The following NXPH1 variants were observed in gnomAD, a reference collection of about 807,000 sequenced individuals.
NXPH1 encodes the protein neurexophilin-1.
NXPH1 carries 5 observed loss-of-function variants against 23.7 expected under a neutral mutation model. That is an observed-to-expected ratio of 0.21 (90% confidence interval 0.11 to 0.44). The LOEUF (loss-of-function observed/expected upper bound fraction) is 0.44, where lower values mean the gene tolerates loss of function less well. Among genes scored for constraint, NXPH1 ranks in the 20% least tolerant of loss-of-function variants. The probability of loss-of-function intolerance (pLI) is 0.99; values close to 1 mark genes in which losing one functional copy is unlikely to be tolerated. For missense variants in NXPH1, 324 were observed against 321.6 expected, an observed-to-expected ratio of 1.01 and a Z score of -0.06; for synonymous variants, 144 against 122.2, an observed-to-expected ratio of 1.18 and a Z score of -1.18.
At chr7:8,643,513 TGTTAATATGACAATTTGAC>T (rs1473723430) in intron 2 of NXPH1, among the ~76,000 whole-genome samples, 28 of 152,296 alleles carry the variant, frequency 1.8e-4, no homozygotes, top group African/African-American at 6.3e-4. Flanking sequence ...GCTAATCTTT[TGTTAATATGACAATTTGAC>T]TGATTTATTT....
chr7:8,633,863 A>G (rs1820173492), intron 2 of NXPH1, among the ~76,000 whole-genome samples: 1 of 152,064 alleles, frequency 6.6e-6, no homozygotes, highest in Non-Finnish European at 1.5e-5. Flanking sequence ...AAAGTTAAAT[A>G]TTTTTCAATT....
intron 2 of NXPH1, among the ~76,000 whole-genome samples, chr7:8,728,243 G>C (rs879888851): frequency 1.3e-5 from 2 of 152,186 alleles, no homozygotes; most frequent in Non-Finnish European, 2.9e-5. Flanking sequence ...TTTGGGCTGA[G>C]ACAATGGGGT....
At position 8,646,847 on chromosome 7, in the gene NXPH1, G is replaced by A. The variant is rs887455013; in HGVS notation, c.55-104161G>A. 3.7e-5 allele frequency among the ~76,000 whole-genome samples: 5 copies of A among 136,038 alleles called. No homozygotes were observed. The East Asian group carries it at 1.2e-3, about 33-fold the overall frequency. The allele number at this position is 136,038 out of a possible 152,430, so 89.2% of individuals were successfully genotyped here. A position where few individuals can be genotyped will look rare whatever the true frequency, so the allele number is the denominator to read the frequency against. On this transcript the variant is annotated intron_variant, in intron 2 of 2. Coordinates refer to ENST00000405863, the MANE Select transcript of NXPH1 (RefSeq NM_152745.3). ...TTACTTAATCAGAGAGCCTCTGAAGGCATCAGGTTTCTGTCATTTTTTTTT... is the reference window on the plus strand; with the variant it reads ...TTACTTAATCAGAGAGCCTCTGAAGACATCAGGTTTCTGTCATTTTTTTTT...
chr7:8,590,991 C>G lies in NXPH1; in HGVS notation c.54+155224C>G, dbSNP rs73678066. Reference sequence around the variant, plus strand: ...TTGCTTCTGTGTACACAATAGCATGCCAGAAGCTGGAAAGTGCTCATGCAG... The same window carrying G: ...TTGCTTCTGTGTACACAATAGCATGGCAGAAGCTGGAAAGTGCTCATGCAG... On this transcript the variant is annotated intron_variant, in intron 2 of 2. Coordinates refer to ENST00000405863, the MANE Select transcript of NXPH1 (RefSeq NM_152745.3). 0.012 allele frequency among the ~76,000 whole-genome samples: 1,851 copies of G among 152,096 alleles called. 83 individuals carry two copies. In the East Asian group the frequency reaches 0.14, roughly 11 times the overall value.
rs1163500109 is a variant in NXPH1, at chr7:8,571,036, CTAATCTAA to C, written c.54+135271_54+135278del. 3.7e-5 allele frequency among the ~76,000 whole-genome samples: 5 copies of C among 135,302 alleles called. No homozygotes were observed. In the East Asian group the frequency reaches 1.1e-3, roughly 29 times the overall value. 88.8% of individuals were successfully genotyped at this position (135,302 alleles called of 152,430 possible). The stretch of plus-strand genomic sequence containing the variant: ...GTCTGTCTATCTAATCTAATCTAAT[CTAATCTAA>C]TCTAATCTAATCTAATCTAATCTAA... On this transcript the variant is annotated intron_variant, in intron 2 of 2. Transcript: ENST00000405863.
intron 2 of NXPH1, among the ~76,000 whole-genome samples, chr7:8,496,685 C>A (rs1472932118): frequency 1.3e-5 from 2 of 152,030 alleles, no homozygotes; most frequent in Admixed American, 6.6e-5. Context: ...AGAGGGAGCT[C>A]AGCAATTGCA....
intron 2 of NXPH1, among the ~76,000 whole-genome samples, chr7:8,461,588 T>C (rs569478280): frequency 6.6e-6 from 1 of 150,592 alleles, no homozygotes; most frequent in African/African-American, 2.4e-5. Flanking sequence ...CCCAGCACTT[T>C]GGGAGGCCGA....
At chr7:8,750,503 G>T (rs552229953) in intron 2 of NXPH1, among the ~76,000 whole-genome samples, 24 of 152,046 alleles carry the variant, frequency 1.6e-4, no homozygotes, top group African/African-American at 5.3e-4. Context: ...TGTGTCCAGA[G>T]AATCATACAG....
rs184180691 is a variant in NXPH1 at position 8,685,463 on chromosome 7, A to C, written c.55-65545A>C. Among the ~76,000 whole-genome samples the C allele has an allele frequency of 2.0e-5, 3 of 150,268 alleles. No individual in the cohort carries two copies. The East Asian group carries it at 5.9e-4, about 30-fold the overall frequency. ...ATTTTTTTTTTTATGGCTGAATAGTACTCCCTTGTGTATATGTACCACCTT... is the reference window on the plus strand; with the variant it reads ...ATTTTTTTTTTTATGGCTGAATAGTCCTCCCTTGTGTATATGTACCACCTT... On this transcript the variant is annotated intron_variant, in intron 2 of 2. Coordinates refer to ENST00000405863, the MANE Select transcript of NXPH1 (RefSeq NM_152745.3).
At chr7:8,630,554 T>A (rs1820104982) in intron 2 of NXPH1, among the ~76,000 whole-genome samples, 1 of 152,140 alleles carries the variant, frequency 6.6e-6, no homozygotes, top group African/African-American at 2.4e-5. Context: ...TCTACAAGCA[T>A]ATACGTAATA....
chr7:8,583,781 C>G (rs1217608309), intron 2 of NXPH1, among the ~76,000 whole-genome samples: 1 of 152,124 alleles, frequency 6.6e-6, no homozygotes, highest in Non-Finnish European at 1.5e-5. Flanking sequence ...CAGGTAGTCC[C>G]CTCCCATTCC....
intron 2 of NXPH1, among the ~76,000 whole-genome samples, chr7:8,536,589 A>C (rs1043993071): frequency 1.4e-5 from 2 of 139,752 alleles, no homozygotes; most frequent in Non-Finnish European, 3.1e-5. Context: ...AAAGGAGGCT[A>C]TTGTGACCAT....
chr7:8,678,657 G>T (rs1008009195), intron 2 of NXPH1, among the ~76,000 whole-genome samples: 2 of 151,982 alleles, frequency 1.3e-5, no homozygotes, highest in African/African-American at 2.4e-5. Flanking sequence ...GGCTCCTACG[G>T]GTCCGCAGAG....
At chr7:8,459,802 T>C (rs1370636810) in intron 2 of NXPH1, among the ~76,000 whole-genome samples, 1 of 152,200 alleles carries the variant, frequency 6.6e-6, no homozygotes, top group Non-Finnish European at 1.5e-5. Flanking sequence ...GTAAAGAATA[T>C]GACAGAAAGC....
chr7:8,739,437 A>C (rs1227292843), intron 2 of NXPH1, among the ~76,000 whole-genome samples: 2 of 151,996 alleles, frequency 1.3e-5, no homozygotes, highest in Non-Finnish European at 2.9e-5. Context: ...GGGTGAGGCA[A>C]CACCCCACCC....
At chr7:8,671,561 T>G (rs935567849) in intron 2 of NXPH1, among the ~76,000 whole-genome samples, 5 of 152,212 alleles carry the variant, frequency 3.3e-5, no homozygotes, top group Admixed American at 6.5e-5. Context: ...TTTATATTTC[T>G]TGAATTGTCT....
At chr7:8,600,363 C>T (rs1380301292) in intron 2 of NXPH1, among the ~76,000 whole-genome samples, 1 of 152,214 alleles carries the variant, frequency 6.6e-6, no homozygotes, top group East Asian at 1.9e-4. Flanking sequence ...TTTGCCCATT[C>T]AGTGCCTGAC....
Position 8,658,429 on chromosome 7 carries a change from A to T in NXPH1, c.55-92579A>T, listed in dbSNP as rs528414574. 2.6e-5 allele frequency among the ~76,000 whole-genome samples: 4 copies of T among 152,350 alleles called. No individual in the cohort carries two copies. The South Asian group carries it at 8.3e-4, about 32-fold the overall frequency. On this transcript the variant is annotated intron_variant, in intron 2 of 2. Transcript: ENST00000405863. ...GTTTCCCTTGGTTCACAACTTACAC[A>T]TTGTAACTACAGCTACAATAAATTG...
intron 2 of NXPH1, among the ~76,000 whole-genome samples, chr7:8,564,110 C>T (rs1367445828): frequency 6.6e-6 from 1 of 151,744 alleles, no homozygotes; most frequent in Non-Finnish European, 1.5e-5. Context: ...ATAGATTTAG[C>T]CCATGCTTTT....
Sources: allele counts gnomAD v4.1 joint callset (sites outside exome capture counted in the v4.1 genomes callset), GRCh38; gene constraint gnomAD v4.1.1; transcripts MANE v1.5; gene names NCBI Gene and HGNC (gene_info 2026-07-23, HGNC 2026-07-21).